The following CPA5 variants were observed in gnomAD, a reference collection of about 807,000 sequenced individuals.
The protein encoded by CPA5 is carboxypeptidase A5.
CPA5 carries 38 observed loss-of-function variants against 52.2 expected under a neutral mutation model. That is an observed-to-expected ratio of 0.73 (90% CI 0.56 to 0.95). CPA5 has a LOEUF of 0.95. Among genes scored for constraint, CPA5 ranks in the 40% least tolerant of loss-of-function variants. The pLI is 0.00. For synonymous variants in CPA5, 198 were observed against 213.7 expected, an observed-to-expected ratio of 0.93 and a Z score of 0.64; for missense variants, 519 against 566.7, an observed-to-expected ratio of 0.92 and a Z score of 0.86.
intron 5 of CPA5, among the ~76,000 whole-genome samples, chr7:130,358,857 T>A (rs1393118749): frequency 1.3e-5 from 2 of 152,212 alleles, no homozygotes; most frequent in African/African-American, 4.8e-5. Context: ...GCCCTCTGTA[T>A]GGGCAGCGGG....
At chr7:130,373,549 G>T (rs554323338), downstream of CPA5, among the ~76,000 whole-genome samples, 5 of 152,362 alleles carry the variant, frequency 3.3e-5, no homozygotes, top group East Asian at 1.9e-4. Flanking sequence ...GGGAGGCCGT[G>T]GGGGCTGGGC....
intron 5 of CPA5, among the ~76,000 whole-genome samples, chr7:130,351,528 C>T (rs1554403967): frequency 6.6e-6 from 1 of 152,170 alleles, no homozygotes; most frequent in Non-Finnish European, 1.5e-5. Flanking sequence ...AATGCTCTGA[C>T]CTCTTAACCT....
intron 6 of CPA5, 45 bp from the exon 7 acceptor site, chr7:130,361,098 C>A: frequency 1.6e-6 from 2 of 1,268,280 alleles, no homozygotes; most frequent in Non-Finnish European, 1.2e-6. Flanking sequence ...GTGTTCATCC[C>A]TCTTCCTGCT....
At chr7:130,351,620 T>C (rs1795148637) in intron 5 of CPA5, among the ~76,000 whole-genome samples, 1 of 152,184 alleles carries the variant, frequency 6.6e-6, no homozygotes, top group African/African-American at 2.4e-5. Flanking sequence ...GATCATATTT[T>C]GGCTTAGAGG....
chr7:130,364,526 G>A (rs1336496078), intron 10 of CPA5, among the ~76,000 whole-genome samples: 3 of 152,186 alleles, frequency 2.0e-5, no homozygotes, highest in East Asian at 3.8e-4. Flanking sequence ...TTGTAGAGAC[G>A]TGGTTTCACC....
At position 130,361,217 on chromosome 7, in the gene CPA5, T is replaced by C. The variant is rs374450319; in HGVS notation, c.507T>C (p.Phe169=). The C allele has an allele frequency of 6.2e-7, 1 of 1,613,582 alleles. No homozygotes were observed. Among genetic ancestry groups the C allele is most frequent in the African/African-American group, 1.3e-5 (1 of 74,916 alleles). ...CAAAAATTCAGATTGGCAACAGCTT[T>C]GAAAACCAGTCCATTCTTGTCCTGA... The part of the protein sequence containing the change: ...IVSKIQIGNS[F]ENQSILVLKF... Residue 169 remains phenylalanine, a synonymous_variant, in exon 7 of 13, where the codon TTT becomes TTC. Coordinates refer to ENST00000474905, the MANE Select transcript of CPA5 (RefSeq NM_080385.5).
At chr7:130,367,209 G>A (rs782073474) in intron 10 of CPA5, among the ~76,000 whole-genome samples, 163 bp from the exon 11 acceptor site, 2 of 152,044 alleles carry the variant, frequency 1.3e-5, no homozygotes, top group Non-Finnish European at 2.9e-5. Context: ...CAGAAGTGCC[G>A]TGTCATTTCT....
Position 130,362,980 on chromosome 7 carries a change from T to C in CPA5, c.733T>C (p.Phe245Leu). The C allele has an allele frequency of 6.2e-7, 1 of 1,606,406 alleles. No individual in the cohort carries two copies. The highest frequency in any genetic ancestry group is 8.5e-7 in the Non-Finnish European group (1 of 1,173,076). The part of the protein sequence containing the change: ...ELVTNPDGFA[F>L]THSMNRLWRK... ...CGTCACAAACCCTGATGGGTTTGCT[T>C]TTACCCACAGCATGGTGAGGGAACC... is the stretch of plus-strand genomic sequence containing the variant. The change falls in exon 9 of 13, where the codon TTT (phenylalanine) becomes CTT (leucine). Residue 245 changes from phenylalanine to leucine, a missense_variant. Coordinates refer to ENST00000474905, the MANE Select transcript of CPA5 (RefSeq NM_080385.5).
In CPA5 at chr7:130,363,431, C is replaced by T. The variant is rs145823684; in HGVS notation, c.760C>T (p.Arg254Trp). 958 of 1,571,666 alleles carry T rather than the reference C, an allele frequency of 6.1e-4. 1 individual carries two copies. The highest frequency in any genetic ancestry group is 7.4e-4 in the Non-Finnish European group (859 of 1,157,498). The change falls in exon 10 of 13, where the codon CGG becomes TGG. Residue 254 changes from arginine to tryptophan, a missense_variant. Transcript: ENST00000474905. ...AFTHSMNRLW[R>W]KNKSIRPGIF... is the part of the protein sequence containing the mutation. ...TGGGCTTTCCCAGAACCGCTTATGG[C>T]GGAAGAACAAGTCCATCAGACCTGG... is the stretch of plus-strand genomic sequence containing the variant.
rs1554402209 is a variant in CPA5 at position 130,346,535 on chromosome 7, A to G, written c.50A>G (p.Asp17Gly). The G allele has an allele frequency of 4.3e-6, 7 of 1,614,038 alleles. No homozygotes were observed. In the East Asian group the frequency reaches 1.3e-4, roughly 31 times the overall value. The change falls in exon 3 of 13, where the codon GAC becomes GGC. Residue 17 changes from aspartate to glycine, a missense_variant. By Grantham distance (94) the Asp-to-Gly change is moderately conservative. Coordinates refer to ENST00000474905, the MANE Select transcript of CPA5 (RefSeq NM_080385.5). ...ACGCGCCCTGGGCCATCCCCCGTGG[A>G]CAGGCGGACACTCCTGGTCTTCAGC... Reference protein sequence around the residue: ...GGTRPGPSPVDRRTLLVFSFI... With the variant: ...GGTRPGPSPVGRRTLLVFSFI...
intron 5 of CPA5, among the ~76,000 whole-genome samples, chr7:130,350,618 G>A (rs78886074): frequency 2.0e-5 from 3 of 152,142 alleles, no homozygotes; most frequent in African/African-American, 4.8e-5. Flanking sequence ...AACCTCCACC[G>A]CTTGGCTCTC....
intron 3 of CPA5, among the ~76,000 whole-genome samples, chr7:130,346,956 GACT>G (rs1225919316): frequency 6.6e-6 from 1 of 152,186 alleles, no homozygotes; most frequent in Non-Finnish European, 1.5e-5. Flanking sequence ...GCCCCCACAA[GACT>G]ACATACCCCT....
At chr7:130,350,145 C>G (rs370679076) in intron 5 of CPA5, 36 bp downstream of exon 5, 67 of 1,591,434 alleles carry the variant, frequency 4.2e-5, no homozygotes, top group Non-Finnish European at 4.9e-5. Flanking sequence ...CTGCCTTCCG[C>G]CTTCCTTTCT....
chr7:130,347,435 C>T (rs889868768), intron 3 of CPA5, among the ~76,000 whole-genome samples: 5 of 152,110 alleles, frequency 3.3e-5, no homozygotes, highest in East Asian at 1.9e-4. Context: ...TTTTACACAT[C>T]GCCCCCCTCC....
intron 8 of CPA5, 24 bp downstream of exon 8, chr7:130,362,563 G>A: frequency 1.9e-6 from 3 of 1,550,984 alleles, no homozygotes; most frequent in Non-Finnish European, 8.9e-7. Context: ...TGTAGCCAAG[G>A]TGCACCCACG....
downstream of CPA5, among the ~76,000 whole-genome samples, chr7:130,373,330 A>G (rs781961136): frequency 6.8e-6 from 1 of 146,886 alleles, no homozygotes; most frequent in Non-Finnish European, 1.5e-5. Context: ...CTTTTTAGGT[A>G]TGTTTTTTCA....
intron 3 of CPA5, among the ~76,000 whole-genome samples, chr7:130,347,430 C>T (rs527982831): frequency 6.6e-6 from 1 of 152,284 alleles, no homozygotes; most frequent in East Asian, 1.9e-4. Context: ...TTTCATTTTA[C>T]ACATCGCCCC....
At chr7:130,345,757 A>G (rs1248310008) in intron 1 of CPA5, 82 bp from the exon 2 acceptor site, 3 of 152,238 alleles carry the variant, frequency 2.0e-5, no homozygotes. Flanking sequence ...CCTTCTCCCC[A>G]TCGCCACTGG....
intron 4 of CPA5, among the ~76,000 whole-genome samples, chr7:130,348,789 G>A (rs1283970942): frequency 6.6e-6 from 1 of 152,198 alleles, no homozygotes. Context: ...GTTTCATTAC[G>A]GAACTGGGGC....
Sources: allele counts gnomAD v4.1 joint callset (sites outside exome capture counted in the v4.1 genomes callset), GRCh38; gene constraint gnomAD v4.1.1; transcripts MANE v1.5; gene names NCBI Gene and HGNC (gene_info 2026-07-23, HGNC 2026-07-21).